REDIC1: variants seen among roughly 807,000 people sequenced by gnomAD.
REDIC1 encodes regulator of DNA class I crossover intermediates 1.
the REDIC1 span, among the ~76,000 whole-genome samples, chr12:39,821,388 T>C: frequency 2.0e-5 from 3 of 151,572 alleles, no homozygotes; most frequent in Non-Finnish European, 2.9e-5. Flanking sequence ...CCAGCCTGGG[T>C]AACAGAGCAA....
At chr12:39,774,394 G>A in the REDIC1 span, among the ~76,000 whole-genome samples, 2 of 152,074 alleles carry the variant, frequency 1.3e-5, no homozygotes, top group African/African-American at 4.8e-5. Flanking sequence ...TTTAATTATT[G>A]TTCAGTAGGC....
the REDIC1 span, among the ~76,000 whole-genome samples, chr12:39,728,045 G>T: frequency 6.6e-6 from 1 of 152,172 alleles, no homozygotes; most frequent in African/African-American, 2.4e-5. Flanking sequence ...AGCTTAAGGA[G>T]ATTTTGGGCT....
the REDIC1 span, among the ~76,000 whole-genome samples, chr12:39,687,395 G>A: frequency 8.5e-5 from 13 of 152,268 alleles, no homozygotes; most frequent in East Asian, 1.7e-3. Flanking sequence ...TTGGCTTCTG[G>A]GGAAGCCTCA....
At chr12:39,730,333 C>G in the REDIC1 span, among the ~76,000 whole-genome samples, 1 of 152,180 alleles carries the variant, frequency 6.6e-6, no homozygotes, top group East Asian at 1.9e-4. Flanking sequence ...TCTTCAGGAC[C>G]TCTTGTAAGG....
At chr12:39,860,046 T>C in the REDIC1 span, among the ~76,000 whole-genome samples, 1 of 152,114 alleles carries the variant, frequency 6.6e-6, no homozygotes, top group Non-Finnish European at 1.5e-5. Context: ...TTGAAAGGAA[T>C]AGAAAAAGAA....
chr12:39,763,791 T>C, the REDIC1 span, among the ~76,000 whole-genome samples: 1 of 152,140 alleles, frequency 6.6e-6, no homozygotes, highest in African/African-American at 2.4e-5. Context: ...ATCTTTTTTC[T>C]AAAAAGCAAA....
At chr12:39,681,282 C>A in the REDIC1 span, among the ~76,000 whole-genome samples, 4 of 151,888 alleles carry the variant, frequency 2.6e-5, no homozygotes, top group East Asian at 1.9e-4. Flanking sequence ...CCCACACACA[C>A]AAAAAAGATT....
chr12:39,889,831 T>C, the REDIC1 span, among the ~76,000 whole-genome samples: 2 of 152,114 alleles, frequency 1.3e-5, no homozygotes, highest in Non-Finnish European at 2.9e-5. Flanking sequence ...GGCCTGGCCA[T>C]AAACAACCTT....
chr12:39,655,792 A>G, the REDIC1 span, among the ~76,000 whole-genome samples: 1 of 152,130 alleles, frequency 6.6e-6, no homozygotes, highest in African/African-American at 2.4e-5. Flanking sequence ...GACACCTACT[A>G]TTTCTACTAA....
chr12:39,901,821 A>C, the REDIC1 span, among the ~76,000 whole-genome samples: 2 of 145,310 alleles, frequency 1.4e-5, no homozygotes, highest in African/African-American at 2.6e-5. Context: ...ATACCATTTG[A>C]CCCAGCCATC....
chr12:39,682,642 CCTGCTGTAATT>C, the REDIC1 span: 14 of 1,596,540 alleles, frequency 8.8e-6, no homozygotes, highest in Non-Finnish European at 1.1e-5. Context: ...TACTAAAAGC[CCTGCTGTAATT>C]ATGGATGAAG....
the REDIC1 span, among the ~76,000 whole-genome samples, chr12:39,776,496 T>C: frequency 6.6e-6 from 1 of 152,224 alleles, no homozygotes; most frequent in Non-Finnish European, 1.5e-5. Context: ...TGGTTTATAT[T>C]CTCTGAGAAG....
At chr12:39,720,607 C>T in the REDIC1 span, among the ~76,000 whole-genome samples, 12 of 152,142 alleles carry the variant, frequency 7.9e-5, no homozygotes, top group African/African-American at 1.2e-4. Flanking sequence ...GGAGGTATAG[C>T]AGATTATTGG....
At chr12:39,713,330 ATATACG>A in the REDIC1 span, among the ~76,000 whole-genome samples, 4 of 143,148 alleles carry the variant, frequency 2.8e-5, no homozygotes, top group Non-Finnish European at 6.1e-5. Flanking sequence ...GTGTATACAC[ATATACG>A]TGTATATATG....
chr12:39,752,494 C>T, the REDIC1 span, among the ~76,000 whole-genome samples: 2 of 151,984 alleles, frequency 1.3e-5, no homozygotes, highest in East Asian at 1.9e-4. Flanking sequence ...GTTTGAGGAC[C>T]GCTGTTCTGG....
At chr12:39,787,142 T>A in the REDIC1 span, among the ~76,000 whole-genome samples, 1 of 152,214 alleles carries the variant, frequency 6.6e-6, no homozygotes, top group Non-Finnish European at 1.5e-5. Context: ...TTTCGGTATA[T>A]GGCTAGTTTT....
At chr12:39,721,988 T>C in the REDIC1 span, 407 of 152,268 alleles carry the variant, frequency 2.7e-3, no homozygotes, top group African/African-American at 9.3e-3. Context: ...GCTTTGTTTC[T>C]AAGACAACAC....
At chr12:39,692,006 T>C in the REDIC1 span, 3 of 1,479,664 alleles carry the variant, frequency 2.0e-6, no homozygotes, top group African/African-American at 1.4e-5. Context: ...GTGAATATTA[T>C]TATGTATACT....
At chr12:39,714,803 C>A in the REDIC1 span, among the ~76,000 whole-genome samples, 1 of 151,678 alleles carries the variant, frequency 6.6e-6, no homozygotes, top group Non-Finnish European at 1.5e-5. Context: ...TTTGCATTTC[C>A]CTGGTCATTA....
Sources: allele counts gnomAD v4.1 joint callset (sites outside exome capture counted in the v4.1 genomes callset), GRCh38; gene constraint gnomAD v4.1.1; transcripts MANE v1.5; gene names NCBI Gene and HGNC (gene_info 2026-07-23, HGNC 2026-07-21).